SORCS1: variants seen among roughly 807,000 people sequenced by gnomAD.
SORCS1 encodes sortilin related VPS10 domain containing receptor 1.
A neutral mutation model predicts 146.1 loss-of-function variants in SORCS1; 60 were observed. The ratio of observed to expected loss-of-function variants is 0.41; its 90% CI spans 0.33 to 0.51. The LOEUF is 0.51. SORCS1 is among the 20% of genes least tolerant of loss of function. SORCS1 has a pLI of 0.21. For synonymous variants in SORCS1, 637 were observed against 584.0 expected (o/e 1.09, Z -1.31); for missense variants, 1,352 against 1,487.6 (o/e 0.91, Z 1.50).
intron 1 of SORCS1, among the ~76,000 whole-genome samples, chr10:107,034,707 A>AAAAAAAAAAAAAAAAAAAAAAAAAAAG (rs1958819089): frequency 6.8e-6 from 1 of 146,238 alleles, no homozygotes; most frequent in African/African-American, 2.5e-5. Context: ...AAAAAAAAAA[A>AAAAAAAAAAAAAAAAAAAAAAAAAAAG]CAATGTTCAT....
At chr10:107,057,569 C>T (rs932205662) in intron 1 of SORCS1, among the ~76,000 whole-genome samples, 1 of 152,124 alleles carries the variant, frequency 6.6e-6, no homozygotes, top group African/African-American at 2.4e-5. Context: ...AGAGTTTCCA[C>T]ACTTGAGCTG....
At chr10:106,797,803 G>C (rs1473713886) in intron 3 of SORCS1, among the ~76,000 whole-genome samples, 1 of 152,082 alleles carries the variant, frequency 6.6e-6, no homozygotes, top group East Asian at 1.9e-4. Flanking sequence ...GTGCAGTCCA[G>C]GTACCCAGGG....
At chr10:107,048,132 T>G (rs970102322) in intron 1 of SORCS1, among the ~76,000 whole-genome samples, 2 of 151,976 alleles carry the variant, frequency 1.3e-5, no homozygotes, top group Non-Finnish European at 2.9e-5. Flanking sequence ...ATGGGGCCTT[T>G]CCTTCTTTCT....
intron 1 of SORCS1, among the ~76,000 whole-genome samples, chr10:107,012,445 A>T (rs1193213033): frequency 3.3e-5 from 5 of 152,198 alleles, no homozygotes; most frequent in Non-Finnish European, 7.4e-5. Context: ...TTTGATAATA[A>T]ATAATAATAG....
chr10:106,992,834 T>C (rs1956825924), intron 1 of SORCS1, among the ~76,000 whole-genome samples: 1 of 136,270 alleles, frequency 7.3e-6, no homozygotes, highest in African/African-American at 2.8e-5. Context: ...TTCTTTTTTT[T>C]TTTTTTTTTT....
At chr10:107,152,560 T>G (rs1425398540) in intron 1 of SORCS1, among the ~76,000 whole-genome samples, 1 of 152,184 alleles carries the variant, frequency 6.6e-6, no homozygotes, top group Non-Finnish European at 1.5e-5. Flanking sequence ...ACCTCCATGC[T>G]GTTCTCATAA....
intron 4 of SORCS1, among the ~76,000 whole-genome samples, chr10:106,774,960 C>T (rs967305133): frequency 2.6e-5 from 4 of 152,150 alleles, no homozygotes; most frequent in African/African-American, 4.8e-5. Flanking sequence ...AGGAAACCAA[C>T]GCTAAATACT....
chr10:107,167,961 C>G (rs1970091031), upstream of SORCS1, among the ~76,000 whole-genome samples: 1 of 152,090 alleles, frequency 6.6e-6, no homozygotes, highest in Admixed American at 6.5e-5. Context: ...CAAAAGTAGT[C>G]TTTCAAAAGG....
chr10:107,034,796 G>T (rs1455503025), intron 1 of SORCS1, among the ~76,000 whole-genome samples: 2 of 150,196 alleles, frequency 1.3e-5, no homozygotes, highest in Non-Finnish European at 3.0e-5. Flanking sequence ...GGATGAATTA[G>T]TTGGACATTG....
chr10:106,583,469 C>T (rs1175057373), intron 24 of SORCS1, among the ~76,000 whole-genome samples: 1 of 152,118 alleles, frequency 6.6e-6, no homozygotes, highest in East Asian at 1.9e-4. Context: ...AATGCCTCTC[C>T]CCAGGCACTG....
chr10:107,017,947 T>C (rs937621997), intron 1 of SORCS1, among the ~76,000 whole-genome samples: 4 of 152,144 alleles, frequency 2.6e-5, no homozygotes, highest in African/African-American at 9.7e-5. Flanking sequence ...ATTACATGCA[T>C]GAACCACCAT....
chr10:107,057,137 T>C lies in SORCS1; in HGVS notation c.559-100557A>G, dbSNP rs1016756871. 4.6e-5 allele frequency among the ~76,000 whole-genome samples: 7 copies of C among 152,092 alleles called. No individual in the cohort carries two copies. In the East Asian group the frequency reaches 1.3e-3, roughly 29 times the overall value. On this transcript the variant is annotated intron_variant, in intron 1 of 25. Transcript: ENST00000263054. ...AAGTAAAAAACACACCACTAGAGGA[T>C]GAAAGACTAGAAAAGAATGAGATCA...
chr10:107,046,096 G>A (rs1590011568), intron 1 of SORCS1, among the ~76,000 whole-genome samples: 1 of 152,128 alleles, frequency 6.6e-6, no homozygotes, highest in South Asian at 2.1e-4. Flanking sequence ...ACAGGCACGT[G>A]CCACCACGCC....
chr10:107,095,916 T>C (rs906451819), intron 1 of SORCS1, among the ~76,000 whole-genome samples: 1 of 152,044 alleles, frequency 6.6e-6, no homozygotes, highest in African/African-American at 2.4e-5. Flanking sequence ...AGCCCCAACA[T>C]AGTTATTTCC....
chr10:106,926,267 C>A (rs1953010166), intron 2 of SORCS1, among the ~76,000 whole-genome samples: 2 of 152,158 alleles, frequency 1.3e-5, no homozygotes, highest in African/African-American at 4.8e-5. Flanking sequence ...TCCATACAAG[C>A]CATTATGCAG....
chr10:106,639,966 C>T (rs1055383636), intron 18 of SORCS1, among the ~76,000 whole-genome samples: 4 of 151,590 alleles, frequency 2.6e-5, no homozygotes, highest in African/African-American at 9.7e-5. Context: ...CGCAGTGAGC[C>T]AAGATCACGC....
chr10:107,038,696 C>CGGGGGG (rs58516423), intron 1 of SORCS1, among the ~76,000 whole-genome samples: 2 of 149,986 alleles, frequency 1.3e-5, no homozygotes, highest in East Asian at 2.0e-4. Context: ...GGGCAGGGGG[C>CGGGGGG]GGGGGGGGAG....
intron 18 of SORCS1, among the ~76,000 whole-genome samples, chr10:106,645,148 T>A (rs1272830599): frequency 2.0e-5 from 3 of 146,692 alleles, no homozygotes; most frequent in Non-Finnish European, 4.4e-5. Context: ...GCATTTTTTT[T>A]TTTTTGAGAG....
intron 3 of SORCS1, among the ~76,000 whole-genome samples, chr10:106,793,055 T>C (rs1432438787): frequency 6.6e-6 from 1 of 152,132 alleles, no homozygotes; most frequent in African/African-American, 2.4e-5. Context: ...TGGGATTAAA[T>C]AATGAAAAAG....
Sources: allele counts gnomAD v4.1 joint callset (sites outside exome capture counted in the v4.1 genomes callset), GRCh38; gene constraint gnomAD v4.1.1; transcripts MANE v1.5; gene names NCBI Gene and HGNC (gene_info 2026-07-23, HGNC 2026-07-21).